NHS: variants seen among roughly 807,000 people sequenced by gnomAD.
The protein encoded by NHS is NHS actin remodeling regulator.
A neutral mutation model predicts 72.5 loss-of-function variants in NHS; 5 were observed. That is an observed-to-expected ratio of 0.07 (90% confidence interval 0.04 to 0.14). The LOEUF is 0.14. Among genes scored for constraint, NHS ranks in the 10% least tolerant of loss-of-function variants. The pLI, the probability that NHS is intolerant of heterozygous loss-of-function variation, is 1.00. For synonymous variants in NHS, 464 were observed against 547.7 expected, an observed-to-expected ratio of 0.85 and a Z score of 2.13; for missense variants, 1,072 against 1,355.7, an observed-to-expected ratio of 0.79 and a Z score of 3.29.
At chrX:17,474,541 A>G in intron 1 of NHS, among the ~76,000 whole-genome samples, 1 of 111,784 alleles carries the variant, frequency 8.9e-6, no homozygotes, top group Non-Finnish European at 1.9e-5. Context: ...AGGGCTGGGC[A>G]TAGGGAAGAG....
At chrX:17,423,451 GAATT>G (rs1350615237) in intron 1 of NHS, among the ~76,000 whole-genome samples, 1 of 111,069 alleles carries the variant, frequency 9.0e-6, no homozygotes, top group Non-Finnish European at 1.9e-5. Flanking sequence ...GTGAGATAAT[GAATT>G]AATTAGAGAC....
chrX:17,727,966 G>A lies in NHS; in HGVS notation c.3860G>A (p.Gly1287Asp), dbSNP rs1231093604. ...VSAARPNDLD[G>D]KIIQYGPGPD... The stretch of plus-strand genomic sequence containing the variant: ...GCTGCCCGCCCAAATGATTTGGATG[G>A]TAAAATAATACAATATGGACCTGGT... Residue 1287 changes from glycine to aspartate, a missense_variant, in exon 7 of 9, where the codon GGT (glycine) becomes GAT (aspartate). Transcript: ENST00000676302. 7 of 1,211,565 alleles carry A rather than the reference G, an allele frequency of 5.8e-6. No homozygotes were observed. The highest frequency in any genetic ancestry group is 7.8e-6 in the Non-Finnish European group (7 of 895,455).
At chrX:17,689,245 A>G (rs2066181836) in intron 2 of NHS, among the ~76,000 whole-genome samples, 1 of 111,094 alleles carries the variant, frequency 9.0e-6, no homozygotes, top group South Asian at 3.9e-4. Flanking sequence ...TTTTAATGAA[A>G]GAGCTAACCT....
chrX:17,686,059 A>C (rs1370408875), intron 1 of NHS, among the ~76,000 whole-genome samples: 1 of 111,730 alleles, frequency 9.0e-6, no homozygotes, highest in Admixed American at 9.5e-5. Flanking sequence ...CCCTTCCCTC[A>C]TGTTGCCCAA....
At chrX:17,464,479 A>G (rs1433035861) in intron 1 of NHS, among the ~76,000 whole-genome samples, 10 of 112,193 alleles carry the variant, frequency 8.9e-5, no homozygotes, top group Non-Finnish European at 5.6e-5. Context: ...GCCACAGCAA[A>G]CAAGTCTGTC....
intron 1 of NHS, among the ~76,000 whole-genome samples, chrX:17,659,327 C>T (rs1288526379): frequency 8.9e-6 from 1 of 112,283 alleles, no homozygotes; most frequent in Non-Finnish European, 1.9e-5. Context: ...ATGGCAAATA[C>T]AGATCTCCAT....
chrX:17,716,355 C>T (rs962243925), intron 3 of NHS, among the ~76,000 whole-genome samples: 12 of 112,294 alleles, frequency 1.1e-4, no homozygotes, highest in African/African-American at 3.6e-4. Context: ...CAGTTTCTGA[C>T]GGTGTGATTT....
intron 1 of NHS, among the ~76,000 whole-genome samples, chrX:17,664,525 G>T (rs1238107564): frequency 1.8e-5 from 2 of 112,068 alleles, no homozygotes; most frequent in African/African-American, 3.2e-5. Flanking sequence ...GTATGTGTGG[G>T]TCTATTTCTG....
chrX:17,552,040 G>A (rs1213268823), intron 1 of NHS, among the ~76,000 whole-genome samples: 1 of 111,730 alleles, frequency 9.0e-6, no homozygotes, highest in East Asian at 2.8e-4. Context: ...GGAGGAAACC[G>A]AGGCTCAGAG....
In NHS at chrX:17,555,629, T is replaced by G. The variant is rs144806426; in HGVS notation, c.566-132113T>G. 5.4e-3 allele frequency among the ~76,000 whole-genome samples: 610 copies of G among 112,066 alleles called. 5 individuals are homozygous for G. The highest frequency in any genetic ancestry group is 0.019 in the African/African-American group (590 of 30,875). On this transcript the variant is annotated intron_variant, in intron 1 of 8. Transcript: ENST00000676302. ...TTGCATATGTTAGGATAAGAGGAAA[T>G]CAGTGTGATCTCTACCTTTCCTTTT...
intron 1 of NHS, among the ~76,000 whole-genome samples, chrX:17,560,215 C>T (rs985592839): frequency 3.6e-5 from 4 of 111,538 alleles, no homozygotes; most frequent in Non-Finnish European, 7.5e-5. Context: ...CTCCTTTGGG[C>T]TGCCTGCTTC....
chrX:17,732,772 C>T lies in NHS; in HGVS notation c.*308C>T, dbSNP rs2066497927. 1 of 281,182 alleles carries T rather than the reference C, an allele frequency of 3.6e-6. No individual in the cohort carries two copies. Among genetic ancestry groups the T allele is most frequent in the South Asian group, 4.8e-5 (1 of 20,645 alleles). The allele number at this position is 281,182 out of a possible 1,213,427, so 23.2% of individuals were successfully genotyped here. On this transcript the variant is annotated 3_prime_UTR_variant, in exon 9 of 9. Coordinates refer to ENST00000676302, the MANE Select transcript of NHS (RefSeq NM_001291867.2). ...TCTAATTTTCATGACACCTAGAAAA[C>T]GTTTTCCCAGAGCTGCCTATTCAGA...
intron 1 of NHS, among the ~76,000 whole-genome samples, chrX:17,430,305 T>TC (rs2064686264): frequency 6.8e-5 from 6 of 87,773 alleles, no homozygotes; most frequent in African/African-American, 2.7e-4. Context: ...CTTTCTTTCT[T>TC]TCTTTCTTTC....
At chrX:17,721,776 C>A in intron 5 of NHS, 143 bp downstream of exon 5, 1 of 505,279 alleles carries the variant, frequency 2.0e-6, no homozygotes, top group Non-Finnish European at 3.1e-6. Flanking sequence ...AGAGGATGTT[C>A]GATATGCTTT....
intron 1 of NHS, among the ~76,000 whole-genome samples, chrX:17,611,545 T>C: frequency 8.9e-6 from 1 of 112,022 alleles, no homozygotes; most frequent in African/African-American, 3.3e-5. Context: ...TGAAAAGTTT[T>C]TCTTTTTTTT....
intron 5 of NHS, among the ~76,000 whole-genome samples, chrX:17,723,986 T>C (rs1032417530): frequency 1.8e-5 from 2 of 111,535 alleles, no homozygotes; most frequent in African/African-American, 3.3e-5. Context: ...CTAAAGGTTA[T>C]AAATCCTTAA....
chrX:17,376,995 G>T (rs897057070), intron 1 of NHS, among the ~76,000 whole-genome samples: 12 of 112,735 alleles, frequency 1.1e-4, no homozygotes, highest in African/African-American at 3.2e-4. Context: ...AGAGATGAGG[G>T]TGGGAGTGTC....
chrX:17,475,930 T>C (rs2064915303), intron 1 of NHS, among the ~76,000 whole-genome samples: 1 of 111,654 alleles, frequency 9.0e-6, no homozygotes. Context: ...ATTTAGGGGC[T>C]CCTGTGCCCT....
rs1057297749 is a variant in NHS at position 17,635,330 on chromosome X, A to G, written c.566-52412A>G. 3.7e-6 allele frequency: 4 copies of G among 1,088,853 alleles called. No homozygotes were observed. In the African/African-American group the frequency reaches 7.5e-5, roughly 21 times the overall value. The allele number at this position is 1,088,853 out of a possible 1,213,427, so 89.7% of individuals were successfully genotyped here. On this transcript the variant is annotated intron_variant, in intron 1 of 8. Coordinates refer to ENST00000676302, the MANE Select transcript of NHS (RefSeq NM_001291867.2). ...TCAAGTGAACCCTGGAGGGATTAGC[A>G]GCCAGCCTAGCACTTGGGTGAGACC...
Sources: gnomAD v4.1 joint callset for allele counts (sites outside exome capture counted in the v4.1 genomes callset) on GRCh38, gnomAD v4.1.1 for gene constraint, MANE v1.5 for transcripts, NCBI Gene and HGNC (gene_info 2026-07-23, HGNC 2026-07-21) for gene names.